ALOX5: variants seen among roughly 807,000 people sequenced by gnomAD.
ALOX5 encodes arachidonate 5-lipoxygenase.
Under a neutral mutation model 87.9 loss-of-function variants are expected in ALOX5, and 64 were observed. That is an observed-to-expected ratio of 0.73 (90% CI 0.60 to 0.90). ALOX5 has a LOEUF of 0.90. Among genes scored for constraint, ALOX5 ranks in the 40% least tolerant of loss-of-function variants. The pLI is 0.00. For missense variants in ALOX5, 822 were observed against 907.5 expected, an observed-to-expected ratio of 0.91 and a Z score of 1.21; for synonymous variants, 388 against 355.1, an observed-to-expected ratio of 1.09 and a Z score of -1.04.
intron 2 of ALOX5, among the ~76,000 whole-genome samples, chr10:45,392,513 G>A (rs183305228): frequency 0.016 from 2,395 of 151,632 alleles, 59 homozygotes; most frequent in African/African-American, 0.055. Flanking sequence ...AAGGCAGCAG[G>A]CTCCTTAAGA....
intron 2 of ALOX5, among the ~76,000 whole-genome samples, 192 bp from the exon 3 acceptor site, chr10:45,395,663 A>G (rs1263708488): frequency 6.6e-6 from 1 of 152,140 alleles, no homozygotes; most frequent in African/African-American, 2.4e-5. Flanking sequence ...AAAGTTCAAG[A>G]GCAAAGCTAC....
In ALOX5 at chr10:45,428,617, G is replaced by A; in HGVS notation, c.835-1G>A. 2 of 1,614,094 alleles carry A rather than the reference G, an allele frequency of 1.2e-6. No individual in the cohort carries two copies. Among genetic ancestry groups the A allele is most frequent in the South Asian group, 1.1e-5 (1 of 91,078 alleles). The stretch of plus-strand genomic sequence containing the variant: ...TGGACACATCTCTCTGCCTCCTGCA[G>A]CAAGGGAACATTTTCATCGTGGACT... On this transcript the variant is annotated splice_acceptor_variant, in intron 6 of 13. Transcript: ENST00000374391. LOFTEE classifies it high-confidence loss of function.
At position 45,374,336 on chromosome 10, in the gene ALOX5, C is replaced by T. The variant is rs920933816; in HGVS notation, c.57C>T (p.Asp19=). The change falls in exon 1 of 14, where the codon GAC becomes GAT. Residue 19 remains aspartate, a synonymous_variant. Coordinates refer to ENST00000374391, the MANE Select transcript of ALOX5 (RefSeq NM_000698.5). The stretch of plus-strand genomic sequence containing the variant: ...GCAGCCAGTGGTTCGCCGGCACTGA[C>T]GACTACATCTACCTCAGCCTCGTGG... ...ATGSQWFAGT[D]DYIYLSLVGS... 4 of 1,533,544 alleles carry T rather than the reference C, an allele frequency of 2.6e-6. No individual in the cohort carries two copies. Among genetic ancestry groups the T allele is most frequent in the Non-Finnish European group, 2.6e-6 (3 of 1,141,652 alleles). 95.0% of individuals were successfully genotyped at this position (1,533,544 alleles called of 1,614,324 possible).
chr10:45,394,381 C>T (rs1169569703), intron 2 of ALOX5, among the ~76,000 whole-genome samples: 1 of 152,188 alleles, frequency 6.6e-6, no homozygotes, highest in Non-Finnish European at 1.5e-5. Context: ...ATAAATGGTG[C>T]TGGGAAAACT....
chr10:45,409,899 G>A (rs373261774), intron 3 of ALOX5, among the ~76,000 whole-genome samples: 2 of 152,260 alleles, frequency 1.3e-5, no homozygotes, highest in East Asian at 1.9e-4. Flanking sequence ...TGTGCTGTGA[G>A]GCCATCATCT....
chr10:45,377,049 T>C (rs1205362682), intron 1 of ALOX5, among the ~76,000 whole-genome samples: 2 of 152,232 alleles, frequency 1.3e-5, no homozygotes, highest in Non-Finnish European at 2.9e-5. Context: ...TGAGAAATCT[T>C]AGTTGGCCCA....
chr10:45,431,021 A>G (rs1447378341), intron 7 of ALOX5, among the ~76,000 whole-genome samples: 3 of 152,230 alleles, frequency 2.0e-5, no homozygotes, highest in Non-Finnish European at 2.9e-5. Context: ...TTAAATGACT[A>G]TATGTAATAA....
In ALOX5 at chr10:45,428,636, G is replaced by T. The variant is rs767991624; in HGVS notation, c.853G>T (p.Val285Leu). 1 of 1,614,122 alleles carries T rather than the reference G, an allele frequency of 6.2e-7. No individual in the cohort carries two copies. The highest frequency in any genetic ancestry group is 8.5e-7 in the Non-Finnish European group (1 of 1,180,012). Reference protein sequence around the residue: ...QEVQQGNIFIVDFELLDGIDA... With the variant: ...QEVQQGNIFILDFELLDGIDA... ...CCTGCAGCAAGGGAACATTTTCATC[G>T]TGGACTTTGAGCTGCTGGATGGCAT... is the stretch of plus-strand genomic sequence containing the variant. The change falls in exon 7 of 14, where the codon GTG (valine) becomes TTG (leucine). Residue 285 changes from valine to leucine, a missense_variant. Transcript: ENST00000374391.
chr10:45,387,437 G>C (rs900982811), intron 2 of ALOX5, among the ~76,000 whole-genome samples: 3 of 152,192 alleles, frequency 2.0e-5, no homozygotes, highest in Admixed American at 6.5e-5. Flanking sequence ...AAGAATTTCA[G>C]AGAAGAGGAG....
chr10:45,381,420 C>T (rs1010728685), intron 1 of ALOX5, among the ~76,000 whole-genome samples: 2 of 152,240 alleles, frequency 1.3e-5, no homozygotes, highest in Admixed American at 1.3e-4. Flanking sequence ...GAGGAAGTGG[C>T]TATGATGGAA....
At chr10:45,434,057 C>A (rs554670691) in intron 7 of ALOX5, among the ~76,000 whole-genome samples, 2 of 152,348 alleles carry the variant, frequency 1.3e-5, no homozygotes, top group East Asian at 3.9e-4. Context: ...TCATTTATTT[C>A]TCAGGGCTAG....
At chr10:45,417,775 G>A (rs568381186) in intron 4 of ALOX5, among the ~76,000 whole-genome samples, 1 of 152,296 alleles carries the variant, frequency 6.6e-6, no homozygotes, top group Admixed American at 6.5e-5. Context: ...CTCCACCGTG[G>A]GGAGCCAGCA....
At chr10:45,405,849 C>T (rs1840864131) in intron 3 of ALOX5, among the ~76,000 whole-genome samples, 1 of 152,016 alleles carries the variant, frequency 6.6e-6, no homozygotes, top group South Asian at 2.1e-4. Context: ...ATCCATCTTC[C>T]CACGTCAGCC....
chr10:45,407,807 A>G lies in ALOX5; in HGVS notation c.432-4384A>G, dbSNP rs565476762. Among the ~76,000 whole-genome samples, 11 of 152,308 alleles carry G rather than the reference A, an allele frequency of 7.2e-5. No individual in the cohort carries two copies. The East Asian group carries it at 9.7e-4, about 13-fold the overall frequency. On this transcript the variant is annotated intron_variant, in intron 3 of 13. Coordinates refer to ENST00000374391, the MANE Select transcript of ALOX5 (RefSeq NM_000698.5). ...CTGCACTTGTAAAGATAAGCTATCA[A>G]TTTGCATTGCCATGGTGAAATTTTA...
chr10:45,428,856 G>A (rs144584548), intron 7 of ALOX5, 92 bp downstream of exon 7: 35,972 of 1,514,352 alleles, frequency 0.024, 545 homozygotes, highest in Non-Finnish European at 0.027. Context: ...AGCTGAGGAA[G>A]CTATGTCTTG....
At chr10:45,382,343 C>T (rs1195327510) in intron 1 of ALOX5, 140 bp from the exon 2 acceptor site, 10 of 803,784 alleles carry the variant, frequency 1.2e-5, no homozygotes, top group Non-Finnish European at 1.8e-5. Flanking sequence ...GTATCTTGCA[C>T]CTGCTGTTTT....
chr10:45,412,774 A>G (rs1325641156), intron 4 of ALOX5, among the ~76,000 whole-genome samples: 1 of 152,150 alleles, frequency 6.6e-6, no homozygotes, highest in Non-Finnish European at 1.5e-5. Flanking sequence ...CCCATTTTAC[A>G]GTTGAGGAAC....
intron 1 of ALOX5, 149 bp downstream of exon 1, chr10:45,374,578 G>C (rs1259389245): frequency 6.6e-6 from 5 of 756,452 alleles, no homozygotes; most frequent in Non-Finnish European, 9.3e-6. Flanking sequence ...AGGGAGGGCA[G>C]AACTGCGGTG....
At chr10:45,395,754 A>G in intron 2 of ALOX5, 101 bp from the exon 3 acceptor site, 1 of 964,310 alleles carries the variant, frequency 1.0e-6, no homozygotes. Flanking sequence ...CACATAAAGC[A>G]CTCGGCATGG....
Sources: allele counts gnomAD v4.1 joint callset (sites outside exome capture counted in the v4.1 genomes callset), GRCh38; gene constraint gnomAD v4.1.1; transcripts MANE v1.5; gene names NCBI Gene and HGNC (gene_info 2026-07-23, HGNC 2026-07-21).